The following KRTAP5-9 variants were observed in gnomAD, a reference collection of about 807,000 sequenced individuals.
KRTAP5-9 encodes the protein keratin associated protein 5-9, also known as keratin-associated protein 5-9.
Under a neutral mutation model 3.0 loss-of-function variants are expected in KRTAP5-9, and 2 were observed. That is an observed-to-expected ratio of 0.67 (90% CI 0.27 to 2.09). KRTAP5-9 has a LOEUF of 2.09. Among genes scored for constraint, KRTAP5-9 ranks in the 30% most tolerant of loss-of-function variants. The pLI is 0.14. For missense variants in KRTAP5-9, 183 were observed against 204.2 expected, an observed-to-expected ratio of 0.90 and a Z score of 0.63; for synonymous variants, 70 against 81.2, an observed-to-expected ratio of 0.86 and a Z score of 0.74.
Position 71,548,755 on chromosome 11 carries a change from C to A in KRTAP5-9, c.98C>A (p.Pro33His). 6.2e-7 allele frequency: 1 copy of A among 1,612,996 alleles called. No individual in the cohort carries two copies. Among genetic ancestry groups the A allele is most frequent in the African/African-American group, 1.3e-5 (1 of 75,008 alleles). Residue 33 changes from proline (P) to histidine (H), a missense_variant, in exon 1 of 1, where the codon CCC becomes CAC. Physicochemically the swap from Pro to His is moderately conservative, Grantham distance 77. Coordinates refer to ENST00000528743, the MANE Select transcript of KRTAP5-9 (RefSeq NM_005553.4). ...GGCTCTGGCTGCAGGGGCTGTGGCC[C>A]CAGCTGCTGTGCACCCGTCTACTGC... ...SCGSGCRGCGPSCCAPVYCCK... is the reference protein window; with the variant it reads ...SCGSGCRGCGHSCCAPVYCCK...
chr11:71,548,621 G>T lies in KRTAP5-9; in HGVS notation c.-37G>T, dbSNP rs752348931. 2.5e-6 allele frequency: 4 copies of T among 1,590,802 alleles called. No homozygotes were observed. The East Asian group carries it at 6.7e-5, about 27-fold the overall frequency. The stretch of plus-strand genomic sequence containing the variant: ...CCACACCTGCACCTCCTTCTCACCT[G>T]CTCCTCTACCTGCTCCACCCTCAAT... On this transcript the variant is annotated 5_prime_UTR_variant, in exon 1 of 1. Transcript: ENST00000528743.
chr11:71,548,836 G>A lies in KRTAP5-9; in HGVS notation c.179G>A (p.Arg60Gln), dbSNP rs182395012. The part of the protein sequence containing the change: ...PACSCSSCGK[R>Q]GCGSCGGSKG... ...TGTTCCTGCTCTAGCTGTGGCAAGC[G>A]GGGCTGTGGCTCCTGTGGGGGCTCC... Residue 60 changes from arginine to glutamine, a missense_variant, in exon 1 of 1, where the codon CGG becomes CAG. By Grantham distance (43) the Arg-to-Gln change is conservative (BLOSUM62 1). Coordinates refer to ENST00000528743, the MANE Select transcript of KRTAP5-9 (RefSeq NM_005553.4). The A allele has an allele frequency of 3.0e-4, 483 of 1,614,128 alleles. 2 individuals carry two copies. The African/African-American group carries it at 5.3e-3, about 18-fold the overall frequency.
Position 71,549,174 on chromosome 11 carries a change from A to G in KRTAP5-9, c.*7A>G, listed in dbSNP as rs776281446. ...CTACCAGTGCAAGATCTGAGGCTCT[A>G]GTGGGAAACCTCAGGTAGCTCCTGA... On this transcript the variant is annotated 3_prime_UTR_variant, in exon 1 of 1. Transcript: ENST00000528743. 1.2e-6 allele frequency: 2 copies of G among 1,611,138 alleles called. No homozygotes were observed. The highest frequency in any genetic ancestry group is 1.7e-6 in the Non-Finnish European group (2 of 1,179,982).
chr11:71,549,317 C>T lies in KRTAP5-9; in HGVS notation c.*150C>T, dbSNP rs560941810. ...CCTGAGGAAATGGAATGAACCACTC[C>T]CTGCCCATTCCCTATAAGAATATCC... On this transcript the variant is annotated 3_prime_UTR_variant, in exon 1 of 1. Transcript: ENST00000528743. 7 of 1,118,508 alleles carry T rather than the reference C, an allele frequency of 6.3e-6. No individual in the cohort carries two copies. The highest frequency in any genetic ancestry group is 8.9e-6 in the Non-Finnish European group (7 of 783,442). 69.3% of individuals were successfully genotyped at this position (1,118,508 alleles called of 1,614,324 possible). A position where few individuals can be genotyped will look rare whatever the true frequency, so the allele number is the denominator to read the frequency against.
chr11:71,549,290 C>T lies in KRTAP5-9; in HGVS notation c.*123C>T. The T allele has an allele frequency of 1.5e-6, 2 of 1,374,726 alleles. No homozygotes were observed. Among genetic ancestry groups the T allele is most frequent in the Non-Finnish European group, 1.0e-6 (1 of 993,536 alleles). 85.2% of individuals were successfully genotyped at this position (1,374,726 alleles called of 1,614,324 possible). ...CTTGGCTCAGGGCGTCTTTTTCCAG[C>T]CCCTGAGGAAATGGAATGAACCACT... On this transcript the variant is annotated 3_prime_UTR_variant, in exon 1 of 1. Transcript: ENST00000528743.
At position 71,548,444 on chromosome 11, in the gene KRTAP5-9, G is replaced by A; in HGVS notation, c.-214G>A. 1.0e-6 allele frequency: 1 copy of A among 1,001,726 alleles called. No homozygotes were observed. The highest frequency in any genetic ancestry group is 1.4e-6 in the Non-Finnish European group (1 of 690,508). The allele number at this position is 1,001,726 out of a possible 1,614,324, so 62.1% of individuals were successfully genotyped here. On this transcript the variant is annotated 5_prime_UTR_variant, in exon 1 of 1. Transcript: ENST00000528743. ...TGAATTCCACAAGGAAATCATCTCAGGAGGAAGGGCTCATACTTGGATCCA... is the reference window on the plus strand; with the variant it reads ...TGAATTCCACAAGGAAATCATCTCAAGAGGAAGGGCTCATACTTGGATCCA...
chr11:71,549,168 G>A lies in KRTAP5-9; in HGVS notation c.*1G>A, dbSNP rs1950111450. ...TGTGTGCTACCAGTGCAAGATCTGAGGCTCTAGTGGGAAACCTCAGGTAGC... is the reference window on the plus strand; with the variant it reads ...TGTGTGCTACCAGTGCAAGATCTGAAGCTCTAGTGGGAAACCTCAGGTAGC... On this transcript the variant is annotated 3_prime_UTR_variant, in exon 1 of 1. Transcript: ENST00000528743. 6.2e-7 allele frequency: 1 copy of A among 1,614,170 alleles called. No homozygotes were observed. Among genetic ancestry groups the A allele is most frequent in the African/African-American group, 1.3e-5 (1 of 75,054 alleles).
Position 71,549,026 on chromosome 11 carries a change from A to G in KRTAP5-9, c.369A>G (p.Ser123=). The G allele has an allele frequency of 6.2e-7, 1 of 1,602,982 alleles. No homozygotes were observed. Among genetic ancestry groups the G allele is most frequent in the Non-Finnish European group, 8.5e-7 (1 of 1,178,248 alleles). ...KPCCSSSGRG[S]SCCQSSCCKP... is the part of the protein sequence containing the mutation. ...GTTGCTCCTCCTCGGGTCGTGGGTC[A>G]TCCTGCTGCCAATCCAGCTGCTGCA... Residue 123 remains serine (S), a synonymous_variant, in exon 1 of 1, where the codon TCA becomes TCG. Transcript: ENST00000528743.
At position 71,548,984 on chromosome 11, in the gene KRTAP5-9, C is replaced by A. The variant is rs200956303; in HGVS notation, c.327C>A (p.Cys109Ter). 6 of 1,602,260 alleles carry A rather than the reference C, an allele frequency of 3.7e-6. No individual in the cohort carries two copies. Among genetic ancestry groups the A allele is most frequent in the African/African-American group, 1.4e-5 (1 of 70,196 alleles). ...CSCCKPYCSQ[C>*]SCCKPCCSSS... ...GCTGCAAGCCCTACTGCTCCCAGTG[C>A]AGCTGCTGTAAGCCCTGTTGCTCCT... Residue 109 changes from cysteine to a stop codon, truncating the protein, a stop_gained, in exon 1 of 1, where the codon TGC (cysteine) becomes TGA (stop). Coordinates refer to ENST00000528743, the MANE Select transcript of KRTAP5-9 (RefSeq NM_005553.4). LOFTEE classifies it low-confidence loss of function (END_TRUNC).
Position 71,549,457 on chromosome 11 carries a change from T to G in KRTAP5-9, c.*290T>G. 1 of 541,218 alleles carries G rather than the reference T, an allele frequency of 1.8e-6. No homozygotes were observed. Among genetic ancestry groups the G allele is most frequent in the Non-Finnish European group, 3.4e-6 (1 of 294,798 alleles). The allele number at this position is 541,218 out of a possible 1,614,324, so 33.5% of individuals were successfully genotyped here. ...AGCCTGGAATTCCCCTTCTTGATAA[T>G]TCCATGGGAGACAGCAAACCCTTCT... On this transcript the variant is annotated 3_prime_UTR_variant, in exon 1 of 1. Coordinates refer to ENST00000528743, the MANE Select transcript of KRTAP5-9 (RefSeq NM_005553.4).
chr11:71,549,344 A>C lies in KRTAP5-9; in HGVS notation c.*177A>C. On this transcript the variant is annotated 3_prime_UTR_variant, in exon 1 of 1. Transcript: ENST00000528743. Reference sequence around the variant, plus strand: ...TGCCCATTCCCTATAAGAATATCCCAAGACCCAGGCAATTTTGCCCCTCTT... The same window carrying C: ...TGCCCATTCCCTATAAGAATATCCCCAGACCCAGGCAATTTTGCCCCTCTT... 1 of 986,070 alleles carries C rather than the reference A, an allele frequency of 1.0e-6. No homozygotes were observed. The highest frequency in any genetic ancestry group is 1.5e-6 in the Non-Finnish European group (1 of 673,676). 61.1% of individuals were successfully genotyped at this position (986,070 alleles called of 1,614,324 possible).
In KRTAP5-9 at chr11:71,549,392, G is replaced by C; in HGVS notation, c.*225G>C. On this transcript the variant is annotated 3_prime_UTR_variant, in exon 1 of 1. Transcript: ENST00000528743. ...CTTTCCCACATGCCCCCATATGTCT[G>C]AGCCAAACTGCACTGGGGGCTGCCC... 1.5e-6 allele frequency: 1 copy of C among 662,858 alleles called. No homozygotes were observed. The highest frequency in any genetic ancestry group is 2.6e-6 in the Non-Finnish European group (1 of 382,602). The allele number at this position is 662,858 out of a possible 1,614,324, so 41.1% of individuals were successfully genotyped here.
Position 71,548,779 on chromosome 11 carries a change from G to A in KRTAP5-9, c.122G>A (p.Cys41Tyr). The change falls in exon 1 of 1, where the codon TGC becomes TAC. Residue 41 changes from cysteine (C) to tyrosine (Y), a missense_variant. Physicochemically the swap from Cys to Tyr is radical, Grantham distance 194. Coordinates refer to ENST00000528743, the MANE Select transcript of KRTAP5-9 (RefSeq NM_005553.4). ...CCCAGCTGCTGTGCACCCGTCTACTGCTGCAAGCCCGTGTGCTGCTGTGTT... is the reference window on the plus strand; with the variant it reads ...CCCAGCTGCTGTGCACCCGTCTACTACTGCAAGCCCGTGTGCTGCTGTGTT... Reference protein sequence around the residue: ...CGPSCCAPVYCCKPVCCCVPA... With the variant: ...CGPSCCAPVYYCKPVCCCVPA... 6.2e-7 allele frequency: 1 copy of A among 1,613,424 alleles called. No individual in the cohort carries two copies. Among genetic ancestry groups the A allele is most frequent in the East Asian group, 2.2e-5 (1 of 44,876 alleles).
In KRTAP5-9 at chr11:71,549,059, C is replaced by T. The variant is rs1264581568; in HGVS notation, c.402C>T (p.Cys134=). 6.2e-7 allele frequency: 1 copy of T among 1,608,450 alleles called. No homozygotes were observed. Among genetic ancestry groups the T allele is most frequent in the Non-Finnish European group, 8.5e-7 (1 of 1,179,578 alleles). The change falls in exon 1 of 1, where the codon TGC becomes TGT. Residue 134 remains cysteine, a synonymous_variant. Coordinates refer to ENST00000528743, the MANE Select transcript of KRTAP5-9 (RefSeq NM_005553.4). The stretch of plus-strand genomic sequence containing the variant: ...GCCAATCCAGCTGCTGCAAGCCCTG[C>T]TGCTCATCCTCAGGCTGTGGGTCAT... The part of the protein sequence containing the change: ...SCCQSSCCKP[C]CSSSGCGSSC...
Position 71,548,754 on chromosome 11 carries a change from C to T in KRTAP5-9, c.97C>T (p.Pro33Ser), listed in dbSNP as rs373649192. 1.4e-5 allele frequency: 23 copies of T among 1,612,818 alleles called. No individual in the cohort carries two copies. The East Asian group carries it at 3.3e-4, about 23-fold the overall frequency. The change falls in exon 1 of 1, where the codon CCC becomes TCC. Residue 33 changes from proline (P) to serine (S), a missense_variant. Pro to Ser is a moderately conservative substitution (Grantham distance 74). Transcript: ENST00000528743. ...TGGCTCTGGCTGCAGGGGCTGTGGC[C>T]CCAGCTGCTGTGCACCCGTCTACTG... ...SCGSGCRGCG[P>S]SCCAPVYCCK...
rs1196741584 is a variant in KRTAP5-9 at position 71,549,323 on chromosome 11, C to T, written c.*156C>T. ...GAAATGGAATGAACCACTCCCTGCC[C>T]ATTCCCTATAAGAATATCCCAAGAC... is the stretch of plus-strand genomic sequence containing the variant. On this transcript the variant is annotated 3_prime_UTR_variant, in exon 1 of 1. Transcript: ENST00000528743. 1.8e-6 allele frequency: 2 copies of T among 1,104,616 alleles called. No homozygotes were observed. Among genetic ancestry groups the T allele is most frequent in the African/African-American group, 3.2e-5 (2 of 62,774 alleles). The allele number at this position is 1,104,616 out of a possible 1,614,324, so 68.4% of individuals were successfully genotyped here.
chr11:71,548,672 C>T lies in KRTAP5-9; in HGVS notation c.15C>T (p.Gly5=). 4 of 1,609,890 alleles carry T rather than the reference C, an allele frequency of 2.5e-6. No homozygotes were observed. Among genetic ancestry groups the T allele is most frequent in the Non-Finnish European group, 3.4e-6 (4 of 1,178,588 alleles). The change falls in exon 1 of 1, where the codon GGC becomes GGT. Residue 5 remains glycine (G), a synonymous_variant. Coordinates refer to ENST00000528743, the MANE Select transcript of KRTAP5-9 (RefSeq NM_005553.4). The part of the protein sequence containing the change: MGCC[G]CSGGCGSSCG... ...CCACCAGAACCATGGGCTGCTGTGG[C>T]TGCTCCGGAGGCTGTGGCTCCAGCT...
At position 71,549,225 on chromosome 11, in the gene KRTAP5-9, T is replaced by G; in HGVS notation, c.*58T>G. ...AGATCTGTGCTTTCCAACAAGTGAC[T>G]ACCCTTGAAGCACATCCCCTTCTGG... On this transcript the variant is annotated 3_prime_UTR_variant, in exon 1 of 1. Transcript: ENST00000528743. The G allele has an allele frequency of 1.2e-6, 2 of 1,606,776 alleles. No homozygotes were observed. The highest frequency in any genetic ancestry group is 2.7e-5 in the African/African-American group (2 of 74,938).
At position 71,548,789 on chromosome 11, in the gene KRTAP5-9, C is replaced by T. The variant is rs562742491; in HGVS notation, c.132C>T (p.Pro44=). ...GTGCACCCGTCTACTGCTGCAAGCC[C>T]GTGTGCTGCTGTGTTCCAGCCTGTT... The part of the protein sequence containing the change: ...SCCAPVYCCK[P]VCCCVPACSC... Residue 44 remains proline (P), a synonymous_variant, in exon 1 of 1, where the codon CCC becomes CCT. Coordinates refer to ENST00000528743, the MANE Select transcript of KRTAP5-9 (RefSeq NM_005553.4). The T allele has an allele frequency of 6.8e-6, 11 of 1,613,548 alleles. No individual in the cohort carries two copies. The highest frequency in any genetic ancestry group is 6.7e-5 in the African/African-American group (5 of 75,040).
Sources: gnomAD v4.1 joint callset for allele counts on GRCh38, gnomAD v4.1.1 for gene constraint, MANE v1.5 for transcripts, NCBI Gene and HGNC (gene_info 2026-07-23, HGNC 2026-07-21) for gene names.